The following STK39 variants were observed in gnomAD, a reference collection of about 807,000 sequenced individuals.
STK39 encodes the protein STE20/SPS1-related proline-alanine-rich protein kinase.
A neutral mutation model predicts 77.8 loss-of-function variants in STK39; 20 were observed. The ratio of observed to expected loss-of-function variants is 0.26; its 90% CI spans 0.18 to 0.37. The LOEUF (loss-of-function observed/expected upper bound fraction) is 0.37. Among genes scored for constraint, STK39 ranks in the 10% least tolerant of loss-of-function variants. STK39 has a pLI of 1.00. For synonymous variants in STK39, 246 were observed against 234.1 expected, an observed-to-expected ratio of 1.05 and a Z score of -0.47; for missense variants, 479 against 656.5, an observed-to-expected ratio of 0.73 and a Z score of 2.95.
At chr2:168,093,154 T>G (rs1231557272) in intron 10 of STK39, among the ~76,000 whole-genome samples, 1 of 151,732 alleles carries the variant, frequency 6.6e-6, no homozygotes, top group Non-Finnish European at 1.5e-5. Flanking sequence ...AAGCAGGGAG[T>G]CAGTCTGAGC....
intron 5 of STK39, among the ~76,000 whole-genome samples, chr2:168,156,178 G>C (rs1468640682): frequency 6.6e-6 from 1 of 152,156 alleles, no homozygotes; most frequent in Non-Finnish European, 1.5e-5. Flanking sequence ...ATCATGAAAG[G>C]TTTCTCAAGG....
At chr2:167,963,807 CA>C (rs1692067417) in intron 17 of STK39, among the ~76,000 whole-genome samples, 1 of 152,154 alleles carries the variant, frequency 6.6e-6, no homozygotes, top group Non-Finnish European at 1.5e-5. Context: ...TTTGGTCACC[CA>C]CATTTTCCAT....
intron 12 of STK39, among the ~76,000 whole-genome samples, chr2:168,066,335 T>C (rs752765355): frequency 4.6e-5 from 7 of 152,206 alleles, no homozygotes; most frequent in Non-Finnish European, 8.8e-5. Context: ...AGTACAGTAA[T>C]GATGATACCT....
At chr2:168,102,349 C>A (rs1418465035) in intron 10 of STK39, among the ~76,000 whole-genome samples, 7 of 152,128 alleles carry the variant, frequency 4.6e-5, no homozygotes, top group Admixed American at 3.9e-4. Flanking sequence ...GCCATCCTAG[C>A]GGGTATGAGG....
intron 5 of STK39, among the ~76,000 whole-genome samples, chr2:168,153,641 G>T (rs1027045616): frequency 1.8e-5 from 1 of 56,234 alleles, no homozygotes; most frequent in East Asian, 1.7e-3. Flanking sequence ...ATATGGGGTG[G>T]GGGGGGGTTA....
At chr2:168,002,657 T>C (rs894849064) in intron 16 of STK39, among the ~76,000 whole-genome samples, 17 of 152,244 alleles carry the variant, frequency 1.1e-4, no homozygotes, top group Admixed American at 5.2e-4. Context: ...CACTCTCTTG[T>C]GCTTTTATCA....
intron 10 of STK39, among the ~76,000 whole-genome samples, chr2:168,091,150 G>GCACACA (rs71927823): frequency 0.057 from 8,340 of 147,586 alleles, 268 homozygotes; most frequent in Middle Eastern, 0.1. Flanking sequence ...ACAAACAGGT[G>GCACACA]CACACACACA....
In STK39 at chr2:168,215,616, T is replaced by G. The variant is rs73031047; in HGVS notation, c.208+31612A>C. ...ATCTAACAGAGTTCTCTGAGACTTT[T>G]TCATCAAAATAAACTAAAAGGCTGC... On this transcript the variant is annotated intron_variant, in intron 1 of 17. Coordinates refer to ENST00000355999, the MANE Select transcript of STK39 (RefSeq NM_013233.3). Among the ~76,000 whole-genome samples the G allele has an allele frequency of 9.2e-3, 1,404 of 152,282 alleles. 21 individuals carry two copies. The highest frequency in any genetic ancestry group is 0.032 in the African/African-American group (1,327 of 41,544).
chr2:168,178,720 A>G (rs1385169458), intron 2 of STK39, among the ~76,000 whole-genome samples: 2 of 152,224 alleles, frequency 1.3e-5, no homozygotes, highest in African/African-American at 4.8e-5. Context: ...CTCCTCATTC[A>G]CAAAGAAGCT....
Position 168,224,028 on chromosome 2 carries a change from T to C in STK39, c.208+23200A>G, listed in dbSNP as rs138451163. Among the ~76,000 whole-genome samples the C allele has an allele frequency of 2.0e-5, 3 of 152,138 alleles. No homozygotes were observed. The East Asian group carries it at 5.8e-4, about 29-fold the overall frequency. ...TTTGTCATGTATTACTTTACACACA[T>C]AAACACACAAATATATCTTTTGCCT... is the stretch of plus-strand genomic sequence containing the variant. On this transcript the variant is annotated intron_variant, in intron 1 of 17. Transcript: ENST00000355999.
intron 2 of STK39, among the ~76,000 whole-genome samples, chr2:168,168,323 G>A (rs1688738583): frequency 6.6e-6 from 1 of 152,044 alleles, no homozygotes; most frequent in South Asian, 2.1e-4. Context: ...CTCGTTTTAA[G>A]TTATTGTCGG....
intron 1 of STK39, among the ~76,000 whole-genome samples, chr2:168,196,170 A>G (rs1689464559): frequency 6.6e-6 from 1 of 152,222 alleles, no homozygotes; most frequent in Admixed American, 6.5e-5. Context: ...AAGAACCTCA[A>G]TTTATGGTTT....
chr2:168,125,957 C>T (rs1391109520), intron 10 of STK39, among the ~76,000 whole-genome samples: 1 of 152,068 alleles, frequency 6.6e-6, no homozygotes, highest in Non-Finnish European at 1.5e-5. Context: ...CTAAGAACAG[C>T]CACAATACCA....
At chr2:168,226,307 A>AG (rs66670594) in intron 1 of STK39, among the ~76,000 whole-genome samples, 58,192 of 151,816 alleles carry the variant, frequency 0.38, 12,053 homozygotes, top group Non-Finnish European at 0.48. Flanking sequence ...CAACTTTTCC[A>AG]GGATGCTAGA....
At chr2:168,222,380 T>G (rs1807984) in intron 1 of STK39, among the ~76,000 whole-genome samples, 58,505 of 152,116 alleles carry the variant, frequency 0.38, 12,246 homozygotes, top group Non-Finnish European at 0.48. Context: ...CAATTGCATT[T>G]TTAGGTACTT....
intron 14 of STK39, among the ~76,000 whole-genome samples, chr2:168,059,980 C>G (rs751102259): frequency 6.6e-6 from 1 of 152,090 alleles, no homozygotes; most frequent in Non-Finnish European, 1.5e-5. Context: ...ATGCCATGTA[C>G]ATAGTAAGTG....
At chr2:168,217,332 T>C (rs1178355903) in intron 1 of STK39, among the ~76,000 whole-genome samples, 3 of 152,176 alleles carry the variant, frequency 2.0e-5, no homozygotes, top group Non-Finnish European at 2.9e-5. Context: ...AAAACCCCAA[T>C]TTCTATCAAT....
chr2:168,039,156 T>A (rs1685036883), intron 14 of STK39, among the ~76,000 whole-genome samples: 1 of 151,994 alleles, frequency 6.6e-6, no homozygotes, highest in Non-Finnish European at 1.5e-5. Flanking sequence ...ATCAGGTAAG[T>A]AAACAAAATG....
At chr2:168,012,597 C>T in intron 16 of STK39, 37 bp downstream of exon 16, 3 of 1,558,024 alleles carry the variant, frequency 1.9e-6, no homozygotes, top group Non-Finnish European at 2.6e-6. Context: ...ATTTTATATA[C>T]CAACAAAATG....
Sources: gnomAD v4.1 joint callset for allele counts (sites outside exome capture counted in the v4.1 genomes callset) on GRCh38, gnomAD v4.1.1 for gene constraint, MANE v1.5 for transcripts, NCBI Gene and HGNC (gene_info 2026-07-23, HGNC 2026-07-21) for gene names.